RAPGEF2: variants seen among roughly 807,000 people sequenced by gnomAD.
RAPGEF2 encodes PDZ domain containing guanine nucleotide exchange factor (GEF) 1.
RAPGEF2 carries 54 observed loss-of-function variants against 186.7 expected under a neutral mutation model. That is an observed-to-expected ratio of 0.29 (90% CI 0.23 to 0.36). The LOEUF (loss-of-function observed/expected upper bound fraction) is 0.36. Among genes scored for constraint, RAPGEF2 ranks in the 10% least tolerant of loss-of-function variants. RAPGEF2 has a pLI of 1.00. For missense variants in RAPGEF2, 1,532 were observed against 2,045.0 expected, an observed-to-expected ratio of 0.75 and a Z score of 4.84; for synonymous variants, 712 against 705.9, an observed-to-expected ratio of 1.01 and a Z score of -0.14.
At chr4:159,162,280 G>C (rs1320073529) in intron 1 of RAPGEF2, among the ~76,000 whole-genome samples, 1 of 149,140 alleles carries the variant, frequency 6.7e-6, no homozygotes, top group South Asian at 2.1e-4. Flanking sequence ...GTCCCAAGTA[G>C]CTGGGACTAC....
intron 7 of RAPGEF2, among the ~76,000 whole-genome samples, chr4:159,289,303 T>C (rs1270746035): frequency 6.6e-6 from 1 of 152,212 alleles, no homozygotes; most frequent in East Asian, 1.9e-4. Flanking sequence ...ACAGGCTTCT[T>C]GTTGAGATCT....
intron 9 of RAPGEF2, among the ~76,000 whole-genome samples, chr4:159,316,643 T>C (rs1253838184): frequency 6.6e-6 from 1 of 152,230 alleles, no homozygotes; most frequent in Non-Finnish European, 1.5e-5. Flanking sequence ...GCAAAGGACA[T>C]GATCTTGTTC....
chr4:159,137,722 A>AAC (rs1280207108), intron 1 of RAPGEF2, among the ~76,000 whole-genome samples: 3 of 151,744 alleles, frequency 2.0e-5, no homozygotes, highest in Non-Finnish European at 4.4e-5. Context: ...AAAAAAAAAA[A>AAC]AAAACCTGCA....
intron 7 of RAPGEF2, among the ~76,000 whole-genome samples, chr4:159,294,634 TCTTCCTTCCTTC>T (rs1207452261): frequency 0.052 from 6,852 of 133,038 alleles, 272 homozygotes; most frequent in African/African-American, 0.1. Context: ...AGCTTCCATT[TCTTCCTTCCTTC>T]CTTCCTTCCT....
chr4:159,316,770 A>G (rs995132242), intron 9 of RAPGEF2, among the ~76,000 whole-genome samples: 8 of 152,154 alleles, frequency 5.3e-5, no homozygotes, highest in African/African-American at 7.2e-5. Flanking sequence ...TTGTGCTGCA[A>G]TGACTTTAAG....
intron 7 of RAPGEF2, among the ~76,000 whole-genome samples, chr4:159,271,857 A>G (rs1758174911): frequency 6.6e-6 from 1 of 152,230 alleles, no homozygotes; most frequent in Non-Finnish European, 1.5e-5. Context: ...GGCTGAGTCA[A>G]TAATACATCT....
chr4:159,300,139 A>G (rs958731664), intron 7 of RAPGEF2, among the ~76,000 whole-genome samples: 8 of 151,340 alleles, frequency 5.3e-5, no homozygotes, highest in Non-Finnish European at 8.8e-5. Flanking sequence ...ATTACTTTAT[A>G]TACTTTAATA....
intron 1 of RAPGEF2, among the ~76,000 whole-genome samples, chr4:159,130,661 C>T (rs1021366911): frequency 2.0e-5 from 3 of 151,816 alleles, no homozygotes; most frequent in African/African-American, 4.8e-5. Context: ...TAATTTAGAC[C>T]CAGGCTTAGC....
chr4:159,151,486 T>A (rs113357784), intron 1 of RAPGEF2, among the ~76,000 whole-genome samples: 1 of 152,214 alleles, frequency 6.6e-6, no homozygotes. Context: ...CTTGAGAAAA[T>A]TTTTAAAAAT....
chr4:159,298,286 C>G (rs927168469), intron 7 of RAPGEF2, among the ~76,000 whole-genome samples: 1 of 152,020 alleles, frequency 6.6e-6, no homozygotes, highest in Admixed American at 6.6e-5. Flanking sequence ...AAAAATCTTT[C>G]TCTTTGCTTT....
intron 7 of RAPGEF2, among the ~76,000 whole-genome samples, chr4:159,245,049 C>CT (rs896501159): frequency 5.9e-5 from 9 of 152,006 alleles, no homozygotes; most frequent in East Asian, 3.9e-4. Flanking sequence ...TGATCTTCGT[C>CT]TTTTTTTAGC....
chr4:159,235,441 A>G (rs1028078251), intron 4 of RAPGEF2, among the ~76,000 whole-genome samples: 25 of 152,140 alleles, frequency 1.6e-4, no homozygotes, highest in African/African-American at 6.0e-4. Flanking sequence ...TTCATTGTGC[A>G]CACTGGATCC....
chr4:159,194,832 ATC>A (rs1748468896), intron 3 of RAPGEF2, among the ~76,000 whole-genome samples: 1 of 152,184 alleles, frequency 6.6e-6, no homozygotes, highest in Non-Finnish European at 1.5e-5. Flanking sequence ...AACCCTCCCT[ATC>A]TACCTGTTCC....
intron 4 of RAPGEF2, among the ~76,000 whole-genome samples, chr4:159,233,757 C>G (rs985056740): frequency 6.6e-6 from 1 of 151,912 alleles, no homozygotes; most frequent in African/African-American, 2.4e-5. Context: ...CCCCAATAAC[C>G]TATGGAAATA....
At chr4:159,329,809 T>G in intron 11 of RAPGEF2, 49 bp from the exon 12 acceptor site, 1 of 1,520,032 alleles carries the variant, frequency 6.6e-7, no homozygotes, top group Non-Finnish European at 9.0e-7. Flanking sequence ...TACTGCTAGG[T>G]CTTTTGCAAG....
rs555010922 is a variant in RAPGEF2 at position 159,116,932 on chromosome 4, A to G, written c.69+12701A>G. Among the ~76,000 whole-genome samples the G allele has an allele frequency of 2.0e-5, 3 of 152,314 alleles. No homozygotes were observed. The South Asian group carries it at 6.2e-4, about 32-fold the overall frequency. On this transcript the variant is annotated intron_variant, in intron 1 of 29. Coordinates refer to ENST00000691494, the MANE Select transcript of RAPGEF2 (RefSeq NM_001394067.2). Reference sequence around the variant, plus strand: ...AAACAGCTAATGCATGCTGGGCTTAATAACTAGGTGATGGTTTGATGGGTG... The same window carrying G: ...AAACAGCTAATGCATGCTGGGCTTAGTAACTAGGTGATGGTTTGATGGGTG...
intron 11 of RAPGEF2, among the ~76,000 whole-genome samples, chr4:159,325,182 G>GA (rs201624669): frequency 3.1e-4 from 46 of 146,116 alleles, no homozygotes; most frequent in African/African-American, 9.3e-4. Context: ...CACCATAGAG[G>GA]AAAAAAAAAA....
intron 3 of RAPGEF2, among the ~76,000 whole-genome samples, chr4:159,209,971 A>G (rs1184747227): frequency 6.6e-6 from 1 of 152,256 alleles, no homozygotes; most frequent in African/African-American, 2.4e-5. Context: ...TCTCTGAGTT[A>G]TTGCAAAAGA....
At chr4:159,128,458 A>C (rs1402823663) in intron 1 of RAPGEF2, among the ~76,000 whole-genome samples, 2 of 152,302 alleles carry the variant, frequency 1.3e-5, no homozygotes, top group East Asian at 3.9e-4. Flanking sequence ...TATTGCTGAC[A>C]TAATAAAAAT....
Sources: allele counts gnomAD v4.1 joint callset (sites outside exome capture counted in the v4.1 genomes callset), GRCh38; gene constraint gnomAD v4.1.1; transcripts MANE v1.5; gene names NCBI Gene and HGNC (gene_info 2026-07-23, HGNC 2026-07-21).